ACACA: variants seen among roughly 807,000 people sequenced by gnomAD.
The protein encoded by ACACA is acetyl-CoA carboxylase 1.
ACACA carries 103 observed loss-of-function variants against 296.1 expected under a neutral mutation model. That is an observed-to-expected ratio of 0.35 (90% CI 0.30 to 0.41). ACACA has a LOEUF of 0.41. Ranked by LOEUF, ACACA falls within the 10% of genes least tolerant of loss-of-function variation. The pLI is 1.00. For synonymous variants in ACACA, 953 were observed against 1,038.6 expected, an observed-to-expected ratio of 0.92 and a Z score of 1.58; for missense variants, 1,554 against 2,989.7, an observed-to-expected ratio of 0.52 and a Z score of 11.20.
At chr17:37,249,515 C>T (rs2080878883) in intron 16 of ACACA, among the ~76,000 whole-genome samples, 1 of 152,154 alleles carries the variant, frequency 6.6e-6, no homozygotes, top group Non-Finnish European at 1.5e-5. Context: ...CTTGCCAATA[C>T]TTGCTATTTT....
At chr17:37,289,956 A>G (rs2082967202) in intron 3 of ACACA, among the ~76,000 whole-genome samples, 1 of 152,006 alleles carries the variant, frequency 6.6e-6, no homozygotes, top group Non-Finnish European at 1.5e-5. Context: ...GAGGTCAGAT[A>G]CTCTTATTCA....
intron 40 of ACACA, 146 bp downstream of exon 40, chr17:37,181,055 T>A: frequency 1.2e-6 from 1 of 869,534 alleles, no homozygotes; most frequent in Non-Finnish European, 1.9e-6. Context: ...CAGTCACCAA[T>A]CCTCAAATGA....
chr17:37,103,792 T>C (rs1042520528), intron 52 of ACACA, among the ~76,000 whole-genome samples: 4 of 152,060 alleles, frequency 2.6e-5, no homozygotes, highest in African/African-American at 9.7e-5. Context: ...ATCTCAGAAC[T>C]TTGGGAAGCC....
intron 5 of ACACA, among the ~76,000 whole-genome samples, chr17:37,283,053 C>A (rs1368981622): frequency 6.6e-6 from 1 of 152,204 alleles, no homozygotes; most frequent in East Asian, 1.9e-4. Context: ...CTACTTATCC[C>A]TAGGACACAG....
At chr17:37,112,556 T>C (rs964334888) in intron 51 of ACACA, among the ~76,000 whole-genome samples, 4 of 152,218 alleles carry the variant, frequency 2.6e-5, no homozygotes, top group African/African-American at 9.7e-5. Flanking sequence ...TGATATCAGA[T>C]GAGTTTAGGA....
chr17:37,125,600 A>C lies in ACACA; in HGVS notation c.6041+98T>G, dbSNP rs936661511. ...CCAATATTCTCAGACAGTTCAGACA[A>C]AGAGAACATTATTGGTATATATCTA... On this transcript the variant is annotated intron_variant, in intron 48 of 55. Transcript: ENST00000616317. 4 of 1,110,634 alleles carry C rather than the reference A, an allele frequency of 3.6e-6. No homozygotes were observed. The African/African-American group carries it at 6.2e-5, about 17-fold the overall frequency. The allele number at this position is 1,110,634 out of a possible 1,614,324, so 68.8% of individuals were successfully genotyped here. A position where few individuals can be genotyped will look rare whatever the true frequency, so the allele number is the denominator to read the frequency against.
chr17:37,161,549 C>CAA lies in ACACA; in HGVS notation c.5349+230_5349+231dup, dbSNP rs2144428235. On this transcript the variant is annotated intron_variant, in intron 42 of 55. Transcript: ENST00000616317. ...CCTACTATTTCATCTAGTGCTCAAC[C>CAA]AAAGAAACAGCAACCTGTTTTATAG... 6 of 593,042 alleles carry CAA rather than the reference C, an allele frequency of 1.0e-5. No individual in the cohort carries two copies. The East Asian group carries it at 1.7e-4, about 17-fold the overall frequency. 36.7% of individuals were successfully genotyped at this position (593,042 alleles called of 1,614,324 possible).
intron 1 of ACACA, among the ~76,000 whole-genome samples, chr17:37,353,953 A>T (rs536750139): frequency 5.9e-5 from 9 of 152,164 alleles, no homozygotes; most frequent in African/African-American, 2.2e-4. Context: ...ACAGAAAATT[A>T]AAAAATTAGC....
intron 1 of ACACA, among the ~76,000 whole-genome samples, chr17:37,366,588 C>G (rs974999830): frequency 1.3e-5 from 2 of 151,798 alleles, no homozygotes; most frequent in Admixed American, 1.3e-4. Flanking sequence ...CCTGCCTCAG[C>G]CTCCCAAGTA....
chr17:37,145,572 C>G (rs964393929), intron 45 of ACACA, among the ~76,000 whole-genome samples: 5 of 152,208 alleles, frequency 3.3e-5, no homozygotes, highest in Non-Finnish European at 5.9e-5. Context: ...AGCAAAGAGG[C>G]CTGAGCTTTC....
chr17:37,240,627 C>A, intron 23 of ACACA, 63 bp from the exon 24 acceptor site: 1 of 1,395,882 alleles, frequency 7.2e-7, no homozygotes. Context: ...GCAATAAACC[C>A]AAAGGCCAAA....
intron 50 of ACACA, among the ~76,000 whole-genome samples, chr17:37,116,839 G>C (rs919706159): frequency 1.3e-5 from 2 of 152,214 alleles, no homozygotes; most frequent in African/African-American, 4.8e-5. Context: ...TAGCAGCAGG[G>C]GAGGGGCGAT....
intron 14 of ACACA, 82 bp from the exon 15 acceptor site, chr17:37,253,118 A>T: frequency 6.3e-7 from 1 of 1,593,206 alleles, no homozygotes. Context: ...TTGGCCAGGC[A>T]TGGTGGCTCA....
At chr17:37,280,948 T>C (rs770719089) in intron 5 of ACACA, among the ~76,000 whole-genome samples, 5 of 152,194 alleles carry the variant, frequency 3.3e-5, no homozygotes, top group Non-Finnish European at 7.3e-5. Flanking sequence ...TTTATGCATT[T>C]GCAATGCTGT....
chr17:37,344,254 ACTGT>A (rs1489170642), intron 1 of ACACA, among the ~76,000 whole-genome samples: 2 of 151,668 alleles, frequency 1.3e-5, no homozygotes, highest in Non-Finnish European at 2.9e-5. Context: ...CATGGCGAAA[ACTGT>A]CTGAAGACAG....
intron 44 of ACACA, among the ~76,000 whole-genome samples, chr17:37,151,050 CA>C (rs372728782): frequency 1.6e-3 from 199 of 125,606 alleles, no homozygotes; most frequent in African/African-American, 1.8e-3. Flanking sequence ...GACTCCATCT[CA>C]AAAAAAAAAA....
At chr17:37,350,346 A>AT (rs1264615827) in intron 1 of ACACA, among the ~76,000 whole-genome samples, 1 of 148,394 alleles carries the variant, frequency 6.7e-6, no homozygotes, top group Non-Finnish European at 1.5e-5. Flanking sequence ...GAAAAAAAAA[A>AT]CCAAAAAAAA....
intron 50 of ACACA, among the ~76,000 whole-genome samples, chr17:37,116,013 G>A (rs1237718077): frequency 2.6e-5 from 4 of 151,598 alleles, no homozygotes; most frequent in African/African-American, 7.3e-5. Context: ...AGCGGGGCGC[G>A]CCAGGTTCTC....
In ACACA at chr17:37,086,406, C is replaced by T. The variant is rs1462947059; in HGVS notation, c.*910G>A. ...AGACTATCTATCTATCTCACTGGCT[C>T]TCCACATGGCATAAATAACTAGTTT... is the stretch of plus-strand genomic sequence containing the variant. On this transcript the variant is annotated 3_prime_UTR_variant, in exon 56 of 56. Transcript: ENST00000616317. The T allele has an allele frequency of 6.6e-6, 1 of 152,274 alleles. No individual in the cohort carries two copies. The highest frequency in any genetic ancestry group is 1.5e-5 in the Non-Finnish European group (1 of 68,074). 9.4% of individuals were successfully genotyped at this position (152,274 alleles called of 1,614,324 possible). A position where few individuals can be genotyped will look rare whatever the true frequency, so the allele number is the denominator to read the frequency against.
Sources: allele counts gnomAD v4.1 joint callset (sites outside exome capture counted in the v4.1 genomes callset), GRCh38; gene constraint gnomAD v4.1.1; transcripts MANE v1.5; gene names NCBI Gene and HGNC (gene_info 2026-07-23, HGNC 2026-07-21).